Variants in GALM observed in about 807,000 individuals in gnomAD.
The protein encoded by GALM is galactose mutarotase.
Under a neutral mutation model 37.4 loss-of-function variants are expected in GALM, and 43 were observed. The ratio of observed to expected loss-of-function variants is 1.15; its 90% confidence interval spans 0.90 to 1.48. The LOEUF (loss-of-function observed/expected upper bound fraction) is 1.48. Ranked by LOEUF, GALM falls within the 40% of genes most tolerant of loss-of-function variation. GALM has a pLI of 0.00. For synonymous variants in GALM, 199 were observed against 170.6 expected (o/e 1.17, Z -1.30); for missense variants, 456 against 419.1 (o/e 1.09, Z -0.77).
chr2:38,703,665 G>T (rs140687233), intron 4 of GALM, among the ~76,000 whole-genome samples: 50 of 152,236 alleles, frequency 3.3e-4, no homozygotes, highest in African/African-American at 1.0e-3. Context: ...GTTCTTGTAT[G>T]TCTGGGAAGA....
At chr2:38,704,350 C>G (rs1314663928) in intron 4 of GALM, among the ~76,000 whole-genome samples, 1 of 152,006 alleles carries the variant, frequency 6.6e-6, no homozygotes, top group Admixed American at 6.6e-5. Context: ...AGGCATGCCC[C>G]CATCATGCTC....
chr2:38,715,570 T>C (rs1188243597), intron 4 of GALM, among the ~76,000 whole-genome samples: 1 of 152,194 alleles, frequency 6.6e-6, no homozygotes, highest in Non-Finnish European at 1.5e-5. Flanking sequence ...CCTGAGTAGC[T>C]GGGACCACAG....
At chr2:38,715,712 C>T (rs1422809235) in intron 4 of GALM, among the ~76,000 whole-genome samples, 3 of 152,180 alleles carry the variant, frequency 2.0e-5, no homozygotes, top group South Asian at 2.1e-4. Context: ...GGATTATAGG[C>T]GTGAGCCACC....
chr2:38,677,700 T>G (rs1665292007), intron 2 of GALM, among the ~76,000 whole-genome samples: 1 of 152,176 alleles, frequency 6.6e-6, no homozygotes, highest in African/African-American at 2.4e-5. Context: ...AGCAAAATCG[T>G]GAGTGTACCT....
At chr2:38,720,124 A>G (rs1460913334) in intron 4 of GALM, among the ~76,000 whole-genome samples, 1 of 152,066 alleles carries the variant, frequency 6.6e-6, no homozygotes, top group Admixed American at 6.6e-5. Flanking sequence ...TAGTGGGAGG[A>G]TCACCTGAGC....
intron 1 of GALM, among the ~76,000 whole-genome samples, chr2:38,667,469 C>T (rs1664976098): frequency 6.6e-6 from 1 of 152,050 alleles, no homozygotes; most frequent in African/African-American, 2.4e-5. Context: ...AGTCAGGAGG[C>T]TGAGGCAGGA....
chr2:38,668,785 A>G (rs1665018327), intron 1 of GALM: 1 of 151,374 alleles, frequency 6.6e-6, no homozygotes, highest in African/African-American at 2.4e-5. Flanking sequence ...AAATAAATAA[A>G]TAAATAAATA....
Position 38,681,388 on chromosome 2 carries a change from C to G in GALM, c.454C>G (p.Leu152Val). The change falls in exon 3 of 7, where the codon CTG (leucine) becomes GTG (valine). Residue 152 changes from leucine to valine, a missense_variant. Leu to Val is a conservative substitution (Grantham distance 32, BLOSUM62 1). Coordinates refer to ENST00000272252, the MANE Select transcript of GALM (RefSeq NM_138801.3). ...GELKVWVTYT[L>V]DGGELIVNYR... The stretch of plus-strand genomic sequence containing the variant: ...GTTAAAAGTCTGGGTGACATACACC[C>G]TGGATGGCGGAGAGCTCATAGTCAA... 3 of 1,614,126 alleles carry G rather than the reference C, an allele frequency of 1.9e-6. No homozygotes were observed. The South Asian group carries it at 3.3e-5, about 18-fold the overall frequency.
intron 4 of GALM, among the ~76,000 whole-genome samples, chr2:38,716,622 C>T (rs1263931064): frequency 6.6e-6 from 1 of 152,048 alleles, no homozygotes; most frequent in African/African-American, 2.4e-5. Flanking sequence ...GAGTTCATGA[C>T]TCAAAAAAAT....
chr2:38,667,674 T>C (rs1368900189), intron 1 of GALM, among the ~76,000 whole-genome samples: 2 of 142,900 alleles, frequency 1.4e-5, no homozygotes, highest in Admixed American at 1.5e-4. Flanking sequence ...TTGGTAGAGA[T>C]GGGGTTTCAC....
At chr2:38,719,055 ATG>A (rs1432558829) in intron 4 of GALM, among the ~76,000 whole-genome samples, 1 of 151,838 alleles carries the variant, frequency 6.6e-6, no homozygotes, top group African/African-American at 2.4e-5. Context: ...AGCCTGTAGA[ATG>A]TGTGTGGCAT....
At chr2:38,694,007 C>A (rs755418073) in intron 4 of GALM, among the ~76,000 whole-genome samples, 9 of 152,094 alleles carry the variant, frequency 5.9e-5, no homozygotes, top group Non-Finnish European at 1.2e-4. Flanking sequence ...TAGGGAGACC[C>A]TGTTAATACA....
intron 4 of GALM, among the ~76,000 whole-genome samples, chr2:38,703,618 C>T (rs1307618964): frequency 1.3e-5 from 2 of 152,078 alleles, no homozygotes; most frequent in Non-Finnish European, 2.9e-5. Context: ...GATTCAAAGA[C>T]CGCACAGAAT....
intron 4 of GALM, among the ~76,000 whole-genome samples, chr2:38,691,785 G>A (rs1180123991): frequency 2.0e-5 from 3 of 149,262 alleles, no homozygotes; most frequent in Non-Finnish European, 3.0e-5. Flanking sequence ...TTTCATGAAA[G>A]AATATTTTAG....
At chr2:38,686,114 C>T (rs548778527) in intron 3 of GALM, among the ~76,000 whole-genome samples, 9 of 151,846 alleles carry the variant, frequency 5.9e-5, no homozygotes, top group Admixed American at 1.3e-4. Context: ...TCCTTCTCCT[C>T]CTAGGCTTCT....
At chr2:38,711,629 A>C (rs1482375171) in intron 4 of GALM, among the ~76,000 whole-genome samples, 1 of 151,426 alleles carries the variant, frequency 6.6e-6, no homozygotes, top group Non-Finnish European at 1.5e-5. Flanking sequence ...TTAAGAACAT[A>C]GTCTCTGGAA....
chr2:38,706,760 G>C (rs1666042831), intron 4 of GALM, among the ~76,000 whole-genome samples: 1 of 151,146 alleles, frequency 6.6e-6, no homozygotes, highest in Non-Finnish European at 1.5e-5. Flanking sequence ...TGGGCACAAT[G>C]GTGTGTACCT....
At chr2:38,686,305 T>C (rs112063899) in intron 3 of GALM, among the ~76,000 whole-genome samples, 5 of 149,650 alleles carry the variant, frequency 3.3e-5, no homozygotes, top group African/African-American at 5.0e-5. Context: ...TCGCTCTGTC[T>C]CCCAGGCTGG....
intron 4 of GALM, among the ~76,000 whole-genome samples, chr2:38,713,813 G>A (rs561055627): frequency 6.6e-6 from 1 of 152,094 alleles, no homozygotes; most frequent in Admixed American, 6.5e-5. Context: ...GCTGAGGCAG[G>A]AGGATCACTT....
Sources: gnomAD v4.1 joint callset for allele counts (sites outside exome capture counted in the v4.1 genomes callset) on GRCh38, gnomAD v4.1.1 for gene constraint, MANE v1.5 for transcripts, NCBI Gene and HGNC (gene_info 2026-07-23, HGNC 2026-07-21) for gene names.